Variants in LEF1 observed in about 807,000 individuals in gnomAD.
The protein encoded by LEF1 is lymphoid enhancer binding factor 1.
LEF1 carries 14 observed loss-of-function variants against 51.2 expected under a neutral mutation model. That is an observed-to-expected ratio of 0.27 (90% CI 0.18 to 0.43). The LOEUF is 0.43. Ranked by LOEUF, LEF1 falls within the 20% of genes least tolerant of loss-of-function variation. The probability of loss-of-function intolerance (pLI) is 1.00; values close to 1 mark genes in which losing one functional copy is unlikely to be tolerated. For missense variants in LEF1, 386 were observed against 512.0 expected, an observed-to-expected ratio of 0.75 and a Z score of 2.37; for synonymous variants, 185 against 183.2, an observed-to-expected ratio of 1.01 and a Z score of -0.08.
intron 3 of LEF1, among the ~76,000 whole-genome samples, chr4:108,090,731 A>G (rs1739966623): frequency 6.6e-6 from 1 of 152,152 alleles, no homozygotes; most frequent in South Asian, 2.1e-4. Flanking sequence ...CTTCCCTTCT[A>G]GCTATTAAAT....
chr4:108,125,744 GA>G (rs1742487877), intron 3 of LEF1, among the ~76,000 whole-genome samples: 1 of 151,366 alleles, frequency 6.6e-6, no homozygotes, highest in South Asian at 2.1e-4. Flanking sequence ...CGCATATTGG[GA>G]AAACAGTTTA....
intron 3 of LEF1, among the ~76,000 whole-genome samples, chr4:108,112,298 A>G (rs536044922): frequency 6.6e-6 from 1 of 152,328 alleles, no homozygotes; most frequent in African/African-American, 2.4e-5. Context: ...AAGCCAATAC[A>G]AATAGCTCCT....
At chr4:108,107,264 G>T (rs537227334) in intron 3 of LEF1, among the ~76,000 whole-genome samples, 1 of 149,644 alleles carries the variant, frequency 6.7e-6, no homozygotes, top group Admixed American at 6.6e-5. Context: ...ACAGAGAAAG[G>T]TGTTTTTTTT....
chr4:108,142,574 T>C (rs577232443), intron 3 of LEF1, among the ~76,000 whole-genome samples: 132 of 152,338 alleles, frequency 8.7e-4, no homozygotes, highest in African/African-American at 2.9e-3. Context: ...ATTAAATACA[T>C]TGTGTAATTC....
chr4:108,057,872 C>CTT (rs1376802677), intron 11 of LEF1, among the ~76,000 whole-genome samples: 18 of 143,080 alleles, frequency 1.3e-4, no homozygotes, highest in Admixed American at 2.1e-4. Flanking sequence ...TTTTTTTTAT[C>CTT]TTTTTTTTTT....
intron 3 of LEF1, among the ~76,000 whole-genome samples, chr4:108,109,172 T>C (rs1337559235): frequency 6.6e-6 from 1 of 152,186 alleles, no homozygotes; most frequent in Non-Finnish European, 1.5e-5. Flanking sequence ...CAGAACTAAT[T>C]AAATTGGAGG....
At position 108,165,079 on chromosome 4, in the gene LEF1, G is replaced by A; in HGVS notation, c.280+18C>T. The A allele has an allele frequency of 6.2e-7, 1 of 1,611,710 alleles. No homozygotes were observed. Among genetic ancestry groups the A allele is most frequent in the Non-Finnish European group, 8.5e-7 (1 of 1,177,844 alleles). ...CCCTTATCTGCTAAAGTCAGAAGAAGTAGAATGGGTGTCTTACCGTCATCG... is the reference window on the plus strand; with the variant it reads ...CCCTTATCTGCTAAAGTCAGAAGAAATAGAATGGGTGTCTTACCGTCATCG... On this transcript the variant is annotated intron_variant, in intron 2 of 11. Coordinates refer to ENST00000265165, the MANE Select transcript of LEF1 (RefSeq NM_016269.5).
chr4:108,163,082 C>A (rs923742978), intron 3 of LEF1, among the ~76,000 whole-genome samples: 2 of 152,106 alleles, frequency 1.3e-5, no homozygotes, highest in African/African-American at 4.8e-5. Context: ...CCCCGCCAAA[C>A]CGATCCTAAG....
At chr4:108,164,645 C>T (rs1745268557) in intron 2 of LEF1, among the ~76,000 whole-genome samples, 1 of 152,190 alleles carries the variant, frequency 6.6e-6, no homozygotes. Flanking sequence ...CTGCTCTGCT[C>T]ATTTACTGCC....
intron 9 of LEF1, among the ~76,000 whole-genome samples, chr4:108,067,269 A>G (rs1395147911): frequency 1.3e-5 from 2 of 152,224 alleles, no homozygotes; most frequent in East Asian, 3.8e-4. Flanking sequence ...TTTCTTTAAA[A>G]CTACTTTCTT....
intron 11 of LEF1, among the ~76,000 whole-genome samples, chr4:108,049,428 AC>A (rs1456675933): frequency 6.6e-6 from 1 of 152,264 alleles, no homozygotes; most frequent in East Asian, 1.9e-4. Context: ...GAGAACTCCC[AC>A]ATCCTCAAAG....
chr4:108,163,395 T>C (rs1745183331), intron 3 of LEF1, among the ~76,000 whole-genome samples, 173 bp downstream of exon 3: 2 of 152,200 alleles, frequency 1.3e-5, no homozygotes, highest in Non-Finnish European at 2.9e-5. Flanking sequence ...AGGCAAGACA[T>C]CAAAGGTAGC....
intron 3 of LEF1, among the ~76,000 whole-genome samples, chr4:108,094,564 A>G (rs1385070730): frequency 1.3e-5 from 2 of 152,348 alleles, no homozygotes; most frequent in East Asian, 3.9e-4. Flanking sequence ...TCAACTCCCT[A>G]CTGGCTAAGG....
At position 108,127,439 on chromosome 4, in the gene LEF1, G is replaced by A. The variant is rs540085923; in HGVS notation, c.414+36129C>T. ...AATCTCATGTGACTCTCCAGGGATA[G>A]GCTAAAGAGAGAACTGGAGAAAGAA... On this transcript the variant is annotated intron_variant, in intron 3 of 11. Transcript: ENST00000265165. 1.6e-3 allele frequency among the ~76,000 whole-genome samples: 246 copies of A among 152,312 alleles called. 1 individual carries two copies. Among genetic ancestry groups the A allele is most frequent in the African/African-American group, 5.7e-3 (235 of 41,562 alleles).
At chr4:108,157,678 C>T (rs561637075) in intron 3 of LEF1, among the ~76,000 whole-genome samples, 1 of 152,332 alleles carries the variant, frequency 6.6e-6, no homozygotes, top group East Asian at 1.9e-4. Flanking sequence ...CTCTGCTAGT[C>T]CTATTTCTCC....
At chr4:108,091,845 G>A (rs1578331814) in intron 3 of LEF1, among the ~76,000 whole-genome samples, 1 of 152,088 alleles carries the variant, frequency 6.6e-6, no homozygotes, top group Non-Finnish European at 1.5e-5. Flanking sequence ...AAATCTCAAC[G>A]CCCAAATGTT....
intron 3 of LEF1, among the ~76,000 whole-genome samples, chr4:108,149,455 T>C (rs1258364254): frequency 3.7e-5 from 1 of 26,864 alleles, no homozygotes; most frequent in Non-Finnish European, 1.1e-4. Flanking sequence ...CGAGACTCCG[T>C]CTCAAAAAAA....
At chr4:108,135,811 C>T (rs1743228522) in intron 3 of LEF1, among the ~76,000 whole-genome samples, 1 of 152,164 alleles carries the variant, frequency 6.6e-6, no homozygotes, top group Non-Finnish European at 1.5e-5. Flanking sequence ...TCAAGCTAAC[C>T]TGCTTGGAGC....
chr4:108,059,276 A>G (rs55850632), intron 11 of LEF1, among the ~76,000 whole-genome samples: 1,934 of 152,318 alleles, frequency 0.013, 39 homozygotes, highest in African/African-American at 0.045. Flanking sequence ...GGCGCTGCCC[A>G]TCAAAAAATG....
Sources: gnomAD v4.1 joint callset for allele counts (sites outside exome capture counted in the v4.1 genomes callset) on GRCh38, gnomAD v4.1.1 for gene constraint, MANE v1.5 for transcripts, NCBI Gene and HGNC (gene_info 2026-07-23, HGNC 2026-07-21) for gene names.